Variants in C1GALT1 observed in about 807,000 individuals in gnomAD.
C1GALT1 encodes the protein core 1 synthase, glycoprotein-N-acetylgalactosamine 3-beta-galactosyltransferase 1.
A neutral mutation model predicts 31.0 loss-of-function variants in C1GALT1; 11 were observed. The observed-to-expected ratio is 0.36, with a 90% CI of 0.22 to 0.59. C1GALT1 has a LOEUF of 0.59. Among genes scored for constraint, C1GALT1 ranks in the 20% least tolerant of loss-of-function variants. The pLI is 0.79. For missense variants in C1GALT1, 424 were observed against 425.2 expected (o/e 1.00, Z 0.03); for synonymous variants, 175 against 143.6 (o/e 1.22, Z -1.56).
chr7:7,183,653 T>C (rs1460269000), intron 1 of C1GALT1: 7 of 959,698 alleles, frequency 7.3e-6, no homozygotes, highest in Non-Finnish European at 5.0e-6. Flanking sequence ...TATTCTTTCC[T>C]GGTCCTTACC....
intron 2 of C1GALT1, among the ~76,000 whole-genome samples, chr7:7,171,667 C>A (rs1445359080): frequency 6.6e-6 from 1 of 151,890 alleles, no homozygotes; most frequent in Non-Finnish European, 1.5e-5. Context: ...TTATTTTCTC[C>A]ATTATTGCCT....
intron 1 of C1GALT1, among the ~76,000 whole-genome samples, chr7:7,212,009 A>C (rs899060067): frequency 2.0e-5 from 3 of 152,236 alleles, no homozygotes; most frequent in Non-Finnish European, 4.4e-5. Flanking sequence ...CTTTAGTCTT[A>C]TACTTGGCCT....
intron 2 of C1GALT1, among the ~76,000 whole-genome samples, chr7:7,173,781 T>C (rs1426621121): frequency 6.6e-6 from 1 of 152,174 alleles, no homozygotes; most frequent in Non-Finnish European, 1.5e-5. Context: ...TGCATGCCTC[T>C]GGTCCCTGTT....
intron 1 of C1GALT1, among the ~76,000 whole-genome samples, chr7:7,202,572 A>G (rs535259253): frequency 2.0e-5 from 3 of 152,012 alleles, no homozygotes; most frequent in South Asian, 4.2e-4. Flanking sequence ...TCTTTATTTC[A>G]TTGTTCTGTA....
intron 1 of C1GALT1, among the ~76,000 whole-genome samples, chr7:7,190,617 A>C (rs1341585541): frequency 2.0e-5 from 3 of 152,140 alleles, no homozygotes; most frequent in African/African-American, 7.2e-5. Context: ...TTTTATATGT[A>C]GTAAACTTTG....
intron 3 of C1GALT1, among the ~76,000 whole-genome samples, chr7:7,241,993 T>TA (rs1783650050): frequency 6.6e-6 from 1 of 152,002 alleles, no homozygotes; most frequent in Non-Finnish European, 1.5e-5. Context: ...TTATAACTAT[T>TA]ACTGGTCTAG....
intron 1 of C1GALT1, among the ~76,000 whole-genome samples, chr7:7,218,592 T>G (rs930979076): frequency 1.3e-5 from 2 of 152,204 alleles, no homozygotes; most frequent in African/African-American, 2.4e-5. Context: ...TCTTGTGTAT[T>G]GCACTAGTGC....
intron 1 of C1GALT1, among the ~76,000 whole-genome samples, chr7:7,204,107 T>TG (rs979327442): frequency 1.9e-4 from 28 of 150,516 alleles, no homozygotes; most frequent in Admixed American, 9.3e-4. Flanking sequence ...GTTTTTTTTT[T>TG]TTTGTTTTTT....
intron 1 of C1GALT1, among the ~76,000 whole-genome samples, chr7:7,219,195 C>T (rs1187658760): frequency 6.6e-6 from 1 of 152,160 alleles, no homozygotes; most frequent in Non-Finnish European, 1.5e-5. Context: ...GAAGGTTTAA[C>T]ATTACTGTTT....
intron 2 of C1GALT1, among the ~76,000 whole-genome samples, chr7:7,159,827 C>T (rs1780315319): frequency 6.6e-6 from 1 of 152,130 alleles, no homozygotes; most frequent in Non-Finnish European, 1.5e-5. Flanking sequence ...TATAGAAACA[C>T]TGTTACACAG....
intron 1 of C1GALT1, among the ~76,000 whole-genome samples, chr7:7,228,024 G>A (rs1481397068): frequency 6.6e-6 from 1 of 152,190 alleles, no homozygotes; most frequent in African/African-American, 2.4e-5. Flanking sequence ...CAGATTGCTA[G>A]TGTGACTCTC....
At chr7:7,213,886 T>C (rs767491884) in intron 1 of C1GALT1, among the ~76,000 whole-genome samples, 1 of 152,190 alleles carries the variant, frequency 6.6e-6, no homozygotes, top group Non-Finnish European at 1.5e-5. Flanking sequence ...AACATATAAA[T>C]ATCATGGGAG....
At chr7:7,193,768 G>A (rs1409368971) in intron 1 of C1GALT1, among the ~76,000 whole-genome samples, 2 of 152,116 alleles carry the variant, frequency 1.3e-5, no homozygotes, top group Non-Finnish European at 2.9e-5. Context: ...GCTTTTGGCA[G>A]TATGATCATT....
chr7:7,160,442 T>C (rs539934894), intron 2 of C1GALT1, among the ~76,000 whole-genome samples: 77 of 152,252 alleles, frequency 5.1e-4, no homozygotes, highest in African/African-American at 1.9e-3. Context: ...AATACATATA[T>C]TAAGCAGTTG....
At chr7:7,160,880 AC>A (rs1452257707) in intron 2 of C1GALT1, among the ~76,000 whole-genome samples, 3 of 151,934 alleles carry the variant, frequency 2.0e-5, no homozygotes, top group Admixed American at 1.3e-4. Context: ...GCTGAAAAAA[AC>A]CTTAGAACTA....
chr7:7,207,939 A>G (rs926654653), intron 1 of C1GALT1, among the ~76,000 whole-genome samples: 18 of 152,218 alleles, frequency 1.2e-4, no homozygotes, highest in Non-Finnish European at 2.5e-4. Context: ...CCACTTTCTG[A>G]AGTTTCAGTT....
chr7:7,199,449 T>C (rs1372204281), intron 1 of C1GALT1, among the ~76,000 whole-genome samples: 1 of 152,206 alleles, frequency 6.6e-6, no homozygotes, highest in East Asian at 1.9e-4. Context: ...AGGAGTGCTT[T>C]ACTTCCAACT....
At chr7:7,218,304 G>T (rs1782345254) in intron 1 of C1GALT1, among the ~76,000 whole-genome samples, 1 of 152,194 alleles carries the variant, frequency 6.6e-6, no homozygotes, top group East Asian at 1.9e-4. Context: ...ATGACAGAAA[G>T]GTGAACTAGA....
chr7:7,178,509 T>C (rs956133073), upstream of C1GALT1, among the ~76,000 whole-genome samples: 3 of 152,090 alleles, frequency 2.0e-5, no homozygotes, highest in Non-Finnish European at 4.4e-5. Flanking sequence ...AAAAAATTGA[T>C]TGAGGAAAAA....
Sources: allele counts gnomAD v4.1 joint callset (sites outside exome capture counted in the v4.1 genomes callset), GRCh38; gene constraint gnomAD v4.1.1; transcripts MANE v1.5; gene names NCBI Gene and HGNC (gene_info 2026-07-23, HGNC 2026-07-21).